The following PRKCA variants were observed in gnomAD, a reference collection of about 807,000 sequenced individuals.
PRKCA encodes protein kinase C alpha type.
A neutral mutation model predicts 87.0 loss-of-function variants in PRKCA; 27 were observed. That is an observed-to-expected ratio of 0.31 (90% CI 0.23 to 0.43). The LOEUF (loss-of-function observed/expected upper bound fraction) is 0.43. Ranked by LOEUF, PRKCA falls within the 20% of genes least tolerant of loss-of-function variation. The pLI, the probability that PRKCA is intolerant of heterozygous loss-of-function variation, is 1.00. For synonymous variants in PRKCA, 329 were observed against 311.1 expected, an observed-to-expected ratio of 1.06 and a Z score of -0.61; for missense variants, 518 against 852.3, an observed-to-expected ratio of 0.61 and a Z score of 4.88.
intron 2 of PRKCA, among the ~76,000 whole-genome samples, chr17:66,468,384 GCA>G (rs954584262): frequency 1.3e-5 from 2 of 152,164 alleles, no homozygotes; most frequent in Admixed American, 1.3e-4. Flanking sequence ...GCTGTGGGAG[GCA>G]CACATTTGCT....
intron 13 of PRKCA, among the ~76,000 whole-genome samples, chr17:66,765,518 TTGTCTTTATATATATA>T (rs200719230): frequency 1.0e-3 from 144 of 143,344 alleles, no homozygotes; most frequent in South Asian, 8.3e-3. Context: ...GTCTTTATAT[TTGTCTTTATATATATA>T]TGTCTTTATA....
chr17:66,461,102 G>A (rs949780552), intron 2 of PRKCA, among the ~76,000 whole-genome samples: 2 of 151,448 alleles, frequency 1.3e-5, no homozygotes, highest in African/African-American at 4.8e-5. Flanking sequence ...GCTACTCAGG[G>A]GAATGAGGCA....
intron 5 of PRKCA, among the ~76,000 whole-genome samples, chr17:66,651,242 C>T (rs993747935): frequency 1.3e-5 from 2 of 152,156 alleles, no homozygotes; most frequent in African/African-American, 4.8e-5. Context: ...TTGTTTCTTT[C>T]CATTTTCAAA....
intron 5 of PRKCA, among the ~76,000 whole-genome samples, chr17:66,656,658 G>T (rs574443169): frequency 2.0e-5 from 3 of 152,188 alleles, no homozygotes; most frequent in Non-Finnish European, 4.4e-5. Flanking sequence ...GATCTTGGGG[G>T]ATCAGGAGGG....
intron 3 of PRKCA, among the ~76,000 whole-genome samples, chr17:66,612,863 G>T (rs1346131969): frequency 1.3e-5 from 2 of 151,772 alleles, no homozygotes; most frequent in Non-Finnish European, 2.9e-5. Flanking sequence ...TATCTTTTCT[G>T]TTTTTAAATT....
chr17:66,743,743 G>C (rs147235611), intron 13 of PRKCA, among the ~76,000 whole-genome samples: 1 of 152,166 alleles, frequency 6.6e-6, no homozygotes, highest in Non-Finnish European at 1.5e-5. Flanking sequence ...GCTGGCTTCA[G>C]CTCTTCACAG....
At chr17:66,314,035 G>A (rs567782471) in intron 2 of PRKCA, among the ~76,000 whole-genome samples, 4 of 152,280 alleles carry the variant, frequency 2.6e-5, no homozygotes, top group East Asian at 1.9e-4. Flanking sequence ...CCCCATAACA[G>A]GATGTTATCC....
intron 3 of PRKCA, among the ~76,000 whole-genome samples, chr17:66,518,333 T>A (rs902201095): frequency 6.6e-6 from 1 of 152,222 alleles, no homozygotes; most frequent in Non-Finnish European, 1.5e-5. Context: ...TATACCACAT[T>A]CTGATGGGAG....
intron 2 of PRKCA, among the ~76,000 whole-genome samples, chr17:66,482,101 A>AC (rs1314592719): frequency 2.3e-5 from 3 of 131,016 alleles, no homozygotes; most frequent in Non-Finnish European, 4.9e-5. Flanking sequence ...ACTGTCTCAA[A>AC]AAAAAAAAAA....
chr17:66,660,262 T>TG (rs1212789148), intron 5 of PRKCA, among the ~76,000 whole-genome samples: 1 of 152,146 alleles, frequency 6.6e-6, no homozygotes, highest in African/African-American at 2.4e-5. Flanking sequence ...GTCCGTTTGG[T>TG]GGGGGTCCAG....
chr17:66,727,939 C>T (rs1273917810), intron 8 of PRKCA, among the ~76,000 whole-genome samples: 1 of 152,122 alleles, frequency 6.6e-6, no homozygotes, highest in Non-Finnish European at 1.5e-5. Context: ...TGTAGCTGCT[C>T]GGATATCCAC....
chr17:66,522,975 C>T (rs760491076), intron 3 of PRKCA, among the ~76,000 whole-genome samples: 4 of 152,080 alleles, frequency 2.6e-5, no homozygotes, highest in Non-Finnish European at 4.4e-5. Context: ...TTACTGATCC[C>T]GGAATAAAGA....
At chr17:66,468,021 C>T (rs1915162712) in intron 2 of PRKCA, among the ~76,000 whole-genome samples, 2 of 152,152 alleles carry the variant, frequency 1.3e-5, no homozygotes, top group Admixed American at 6.5e-5. Context: ...AGGAACTCCT[C>T]ATTAGCTGTT....
In PRKCA at chr17:66,787,732, C is replaced by T. The variant is rs550506916; in HGVS notation, c.1713+758C>T. 7.9e-5 allele frequency among the ~76,000 whole-genome samples: 12 copies of T among 152,200 alleles called. No homozygotes were observed. In the East Asian group the frequency reaches 2.3e-3, roughly 30 times the overall value. ...CACTACCCCGCCCCAAGATAACCTG[C>T]CCCCCAACTTTGGACAGCATGGATT... On this transcript the variant is annotated intron_variant, in intron 15 of 16. Coordinates refer to ENST00000413366, the MANE Select transcript of PRKCA (RefSeq NM_002737.3).
At chr17:66,624,212 C>T (rs1970776604) in intron 3 of PRKCA, among the ~76,000 whole-genome samples, 1 of 151,868 alleles carries the variant, frequency 6.6e-6, no homozygotes, top group Non-Finnish European at 1.5e-5. Context: ...GGAAGGAAGC[C>T]ACCGAGAGGC....
At chr17:66,656,696 T>C (rs1971742271) in intron 5 of PRKCA, among the ~76,000 whole-genome samples, 1 of 152,186 alleles carries the variant, frequency 6.6e-6, no homozygotes, top group Admixed American at 6.5e-5. Context: ...AGATAAATGC[T>C]CCTTTTGTTT....
chr17:66,446,522 A>G (rs1248703994), intron 2 of PRKCA, among the ~76,000 whole-genome samples: 1 of 152,198 alleles, frequency 6.6e-6, no homozygotes, highest in Non-Finnish European at 1.5e-5. Context: ...TTTCATAAGC[A>G]GTTGCATTGT....
chr17:66,555,257 T>A (rs1328456094), intron 3 of PRKCA, among the ~76,000 whole-genome samples: 1 of 152,218 alleles, frequency 6.6e-6, no homozygotes. Context: ...AATGCTTGCT[T>A]ATGAAGGGCT....
intron 16 of PRKCA, among the ~76,000 whole-genome samples, chr17:66,798,193 C>G (rs1027511469): frequency 1.3e-5 from 2 of 152,214 alleles, no homozygotes; most frequent in Admixed American, 1.3e-4. Flanking sequence ...TTCTTGCTCC[C>G]TGCTCAGCTC....
Sources: allele counts gnomAD v4.1 joint callset (sites outside exome capture counted in the v4.1 genomes callset), GRCh38; gene constraint gnomAD v4.1.1; transcripts MANE v1.5; gene names NCBI Gene and HGNC (gene_info 2026-07-23, HGNC 2026-07-21).